TFF1: variants seen among roughly 807,000 people sequenced by gnomAD.
The protein encoded by TFF1 is trefoil factor 1.
A neutral mutation model predicts 7.7 loss-of-function variants in TFF1; 8 were observed. That is an observed-to-expected ratio of 1.04 (90% CI 0.61 to 1.87). The LOEUF is 1.87. TFF1 is among the 40% of genes most tolerant of loss of function. TFF1 has a pLI of 0.00. For missense variants in TFF1, 120 were observed against 113.4 expected, an observed-to-expected ratio of 1.06 and a Z score of -0.26; for synonymous variants, 47 against 44.8, an observed-to-expected ratio of 1.05 and a Z score of -0.19.
At chr21:42,366,176 G>A (rs184824465) in intron 1 of TFF1, among the ~76,000 whole-genome samples, 128 of 152,182 alleles carry the variant, frequency 8.4e-4, no homozygotes, top group African/African-American at 2.5e-3. Flanking sequence ...AAACAGCCCC[G>A]ACTGAAGGCA....
rs752885875 is a variant in TFF1 at position 42,363,259 on chromosome 21, T to C, written c.234A>G (p.Pro78=). Residue 78 remains proline (P), a synonymous_variant, in exon 2 of 3, where the codon CCA becomes CCG. Transcript: ENST00000291527. ...CFYPNTIDVP[P]EEECEF is the part of the protein sequence containing the mutation. Reference sequence around the variant, plus strand: ...CATCGTATAAAAAGGCCATACCTTCTGGAGGGACGTCGATGGTATTAGGAT... The same window carrying C: ...CATCGTATAAAAAGGCCATACCTTCCGGAGGGACGTCGATGGTATTAGGAT... 44 of 1,614,098 alleles carry C rather than the reference T, an allele frequency of 2.7e-5. 1 individual carries two copies. The African/African-American group carries it at 5.5e-4, about 20-fold the overall frequency.
In TFF1 at chr21:42,363,302, C is replaced by T; in HGVS notation, c.191G>A (p.Gly64Glu). The change falls in exon 2 of 3, where the codon GGG becomes GAG. Residue 64 changes from glycine (G) to glutamate (E), a missense_variant. Gly to Glu is a moderately conservative substitution (Grantham distance 98, BLOSUM62 -2). Transcript: ENST00000291527. ...ATTAGGATAGAAGCACCAGGGGACC[C>T]CACGAACGGTGTCGTCGAAACAGCA... is the stretch of plus-strand genomic sequence containing the variant. ...KGCCFDDTVR[G>E]VPWCFYPNTI... 1 of 1,614,182 alleles carries T rather than the reference C, an allele frequency of 6.2e-7. No individual in the cohort carries two copies. The highest frequency in any genetic ancestry group is 8.5e-7 in the Non-Finnish European group (1 of 1,180,046).
intron 1 of TFF1, among the ~76,000 whole-genome samples, chr21:42,363,980 G>A (rs1486200556): frequency 2.0e-5 from 3 of 152,040 alleles, no homozygotes; most frequent in Admixed American, 6.5e-5. Flanking sequence ...TGTGGCACAC[G>A]TCTGTAATCC....
chr21:42,362,323 G>C lies in TFF1; in HGVS notation c.*156C>G. ...TTAATTTTTAGGCCAATTTTGAGTA[G>C]TCAAAGTCAGAGCAGTCAATCTGTG... is the stretch of plus-strand genomic sequence containing the variant. On this transcript the variant is annotated 3_prime_UTR_variant, in exon 3 of 3. Transcript: ENST00000291527. 1.3e-6 allele frequency: 1 copy of C among 771,020 alleles called. No individual in the cohort carries two copies. Among genetic ancestry groups the C allele is most frequent in the South Asian group, 1.8e-5 (1 of 55,958 alleles). The allele number at this position is 771,020 out of a possible 1,614,324, so 47.8% of individuals were successfully genotyped here.
chr21:42,363,459 T>C, intron 1 of TFF1, 52 bp from the exon 2 acceptor site: 1 of 1,582,170 alleles, frequency 6.3e-7, no homozygotes, highest in Non-Finnish European at 8.6e-7. Context: ...AATTCCTTGA[T>C]GTTATCATGC....
At chr21:42,364,560 C>T (rs143846137) in intron 1 of TFF1, among the ~76,000 whole-genome samples, 222 of 152,238 alleles carry the variant, frequency 1.5e-3, no homozygotes, top group African/African-American at 4.9e-3. Context: ...CTGAGCTCCG[C>T]GGAATCAAAG....
intron 1 of TFF1, among the ~76,000 whole-genome samples, chr21:42,364,726 G>C (rs2052265830): frequency 6.6e-6 from 1 of 152,198 alleles, no homozygotes; most frequent in African/African-American, 2.4e-5. Flanking sequence ...GGGCGCCCCA[G>C]GGGAGGCCGA....
intron 1 of TFF1, among the ~76,000 whole-genome samples, chr21:42,365,606 C>G (rs898708336): frequency 6.6e-6 from 1 of 152,166 alleles, no homozygotes; most frequent in African/African-American, 2.4e-5. Flanking sequence ...TTCTCCTGCC[C>G]CCACCTTGAA....
At chr21:42,363,925 G>A (rs1214756234) in intron 1 of TFF1, among the ~76,000 whole-genome samples, 1 of 152,094 alleles carries the variant, frequency 6.6e-6, no homozygotes, top group Non-Finnish European at 1.5e-5. Context: ...GACCAAAATG[G>A]TGAAGCCCCA....
intron 1 of TFF1, among the ~76,000 whole-genome samples, chr21:42,365,262 G>A (rs2052270199): frequency 6.6e-6 from 1 of 151,278 alleles, no homozygotes; most frequent in Non-Finnish European, 1.5e-5. Flanking sequence ...AGCACAGGGG[G>A]CAGAGCTGGG....
rs927717331 is a variant in TFF1 at position 42,362,501 on chromosome 21, G to T, written c.239-6C>A. On this transcript the variant is annotated splice_region_variant and splice_polypyrimidine_tract_variant and intron_variant, in intron 2 of 2. Coordinates refer to ENST00000291527, the MANE Select transcript of TFF1 (RefSeq NM_003225.3). ...TGTCTAAAATTCACACTCCTCTACA[G>T]GGGTGAGGGGGAGGGAGAAAGAGAT... The T allele has an allele frequency of 1.9e-6, 3 of 1,580,626 alleles. No homozygotes were observed. The African/African-American group carries it at 4.1e-5, about 21-fold the overall frequency.
intron 2 of TFF1, 132 bp from the exon 3 acceptor site, chr21:42,362,627 G>A: frequency 8.9e-7 from 1 of 1,128,766 alleles, no homozygotes. Flanking sequence ...TGAACTGTCA[G>A]CCGGGCACGG....
At chr21:42,364,233 G>A (rs1368052781) in intron 1 of TFF1, among the ~76,000 whole-genome samples, 2 of 152,170 alleles carry the variant, frequency 1.3e-5, no homozygotes, top group Admixed American at 1.3e-4. Context: ...CCCCGGAGAG[G>A]CCAATGACAA....
Position 42,363,249 on chromosome 21 carries a change from C to T in TFF1, c.238+6G>A. 6.2e-7 allele frequency: 1 copy of T among 1,614,146 alleles called. No homozygotes were observed. The highest frequency in any genetic ancestry group is 8.5e-7 in the Non-Finnish European group (1 of 1,180,030). Reference sequence around the variant, plus strand: ...CTTCAGAACCCATCGTATAAAAAGGCCATACCTTCTGGAGGGACGTCGATG... The same window carrying T: ...CTTCAGAACCCATCGTATAAAAAGGTCATACCTTCTGGAGGGACGTCGATG... On this transcript the variant is annotated splice_donor_region_variant and intron_variant, in intron 2 of 2. Transcript: ENST00000291527.
In TFF1 at chr21:42,363,246, A is replaced by G; in HGVS notation, c.238+9T>C. 1 of 1,614,190 alleles carries G rather than the reference A, an allele frequency of 6.2e-7. No individual in the cohort carries two copies. On this transcript the variant is annotated intron_variant, in intron 2 of 2. Coordinates refer to ENST00000291527, the MANE Select transcript of TFF1 (RefSeq NM_003225.3). ...AATCTTCAGAACCCATCGTATAAAAAGGCCATACCTTCTGGAGGGACGTCG... is the reference window on the plus strand; with the variant it reads ...AATCTTCAGAACCCATCGTATAAAAGGGCCATACCTTCTGGAGGGACGTCG...
chr21:42,365,069 C>T (rs929415852), intron 1 of TFF1, among the ~76,000 whole-genome samples: 7 of 152,110 alleles, frequency 4.6e-5, no homozygotes, highest in African/African-American at 9.7e-5. Flanking sequence ...TTGTCTTTGT[C>T]GCATGATGGA....
At chr21:42,362,882 C>T (rs1032463171) in intron 2 of TFF1, among the ~76,000 whole-genome samples, 4 of 137,586 alleles carry the variant, frequency 2.9e-5, no homozygotes, top group East Asian at 2.1e-4. Flanking sequence ...TCAGGGGCAA[C>T]GGAGCGAGAC....
intron 1 of TFF1, among the ~76,000 whole-genome samples, chr21:42,364,963 T>A (rs2052268009): frequency 6.6e-6 from 1 of 151,912 alleles, no homozygotes; most frequent in Non-Finnish European, 1.5e-5. Context: ...TGAGGGAGGA[T>A]CATCATCCTG....
chr21:42,363,251 A>G lies in TFF1; in HGVS notation c.238+4T>C, dbSNP rs771989993. On this transcript the variant is annotated splice_donor_region_variant and intron_variant, in intron 2 of 2. Coordinates refer to ENST00000291527, the MANE Select transcript of TFF1 (RefSeq NM_003225.3). ...TCAGAACCCATCGTATAAAAAGGCCATACCTTCTGGAGGGACGTCGATGGT... is the reference window on the plus strand; with the variant it reads ...TCAGAACCCATCGTATAAAAAGGCCGTACCTTCTGGAGGGACGTCGATGGT... 140 of 1,614,094 alleles carry G rather than the reference A, an allele frequency of 8.7e-5. No homozygotes were observed. The highest frequency in any genetic ancestry group is 1.2e-4 in the Non-Finnish European group (136 of 1,180,036).
Sources: gnomAD v4.1 joint callset for allele counts (sites outside exome capture counted in the v4.1 genomes callset) on GRCh38, gnomAD v4.1.1 for gene constraint, MANE v1.5 for transcripts, NCBI Gene and HGNC (gene_info 2026-07-23, HGNC 2026-07-21) for gene names.